Variants in MNDA observed in about 807,000 individuals in gnomAD.
MNDA encodes myeloid cell nuclear differentiation antigen.
Under a neutral mutation model 37.8 loss-of-function variants are expected in MNDA, and 43 were observed. The observed-to-expected ratio is 1.14, with a 90% CI of 0.89 to 1.47. The LOEUF is 1.47. MNDA is among the 40% of genes most tolerant of loss of function. MNDA has a pLI of 0.00. For synonymous variants in MNDA, 181 were observed against 169.0 expected, an observed-to-expected ratio of 1.07 and a Z score of -0.55; for missense variants, 536 against 476.0, an observed-to-expected ratio of 1.13 and a Z score of -1.17.
chr1:158,836,078 T>A (rs544056519), intron 1 of MNDA, among the ~76,000 whole-genome samples: 1 of 152,086 alleles, frequency 6.6e-6, no homozygotes, highest in South Asian at 2.1e-4. Context: ...GGGATAAACC[T>A]TAAATGGTCA....
chr1:158,838,305 T>C (rs1658962799), intron 1 of MNDA, among the ~76,000 whole-genome samples: 1 of 152,058 alleles, frequency 6.6e-6, no homozygotes, highest in Non-Finnish European at 1.5e-5. Flanking sequence ...TATGTTTATC[T>C]GGGAATGTCT....
intron 6 of MNDA, 36 bp downstream of exon 6, chr1:158,847,952 G>A: frequency 1.3e-6 from 2 of 1,583,596 alleles, no homozygotes; most frequent in South Asian, 2.3e-5. Flanking sequence ...GTTTGCTAAA[G>A]AGGCAAATAA....
intron 5 of MNDA, among the ~76,000 whole-genome samples, chr1:158,846,429 G>A (rs1659134931): frequency 6.6e-6 from 1 of 152,170 alleles, no homozygotes; most frequent in Non-Finnish European, 1.5e-5. Flanking sequence ...GGAGTAATAA[G>A]TGGATTGGCT....
At position 158,844,074 on chromosome 1, in the gene MNDA, A is replaced by C. The variant is rs779320668; in HGVS notation, c.522A>C (p.Pro174=). The C allele has an allele frequency of 1.2e-6, 2 of 1,612,644 alleles. No homozygotes were observed. The highest frequency in any genetic ancestry group is 2.2e-5 in the East Asian group (1 of 44,852). The change falls in exon 4 of 7, where the codon CCA becomes CCC. Residue 174 remains proline (P), a synonymous_variant. Transcript: ENST00000368141. ...ASTSAAVDHP[P]LPQTSSSTPS... ...CATCTGCAGCTGTGGATCATCCCCC[A>C]CTACCCCAGACCTCATCATCAACTC... is the stretch of plus-strand genomic sequence containing the variant.
chr1:158,844,098 T>C lies in MNDA; in HGVS notation c.546T>C (p.Thr182=). Residue 182 remains threonine (T), a synonymous_variant, in exon 4 of 7, where the codon ACT becomes ACC. Transcript: ENST00000368141. ...CACTACCCCAGACCTCATCATCAAC[T>C]CCATCCAACACTTCGTTTACTCCGG... The part of the protein sequence containing the change: ...HPPLPQTSSS[T]PSNTSFTPNQ... 6.3e-7 allele frequency: 1 copy of C among 1,591,546 alleles called. No homozygotes were observed. Among genetic ancestry groups the C allele is most frequent in the Non-Finnish European group, 8.5e-7 (1 of 1,170,648 alleles).
In MNDA at chr1:158,849,260, AAAC is replaced by A. The variant is rs1558059476; in HGVS notation, c.*27_*29del. 2 of 1,603,318 alleles carry A rather than the reference AAAC, an allele frequency of 1.2e-6. No homozygotes were observed. The highest frequency in any genetic ancestry group is 1.7e-6 in the Non-Finnish European group (2 of 1,173,458). ...TGAAATATGAAAGCTGAAATGCAAC[AAAC>A]AACTTCCGCTTAAAACAATTAAGTT... On this transcript the variant is annotated 3_prime_UTR_variant, in exon 7 of 7. Coordinates refer to ENST00000368141, the MANE Select transcript of MNDA (RefSeq NM_002432.3).
chr1:158,841,673 A>T (rs776761096), intron 1 of MNDA, among the ~76,000 whole-genome samples: 1 of 152,084 alleles, frequency 6.6e-6, no homozygotes, highest in South Asian at 2.1e-4. Context: ...TTATTCACAT[A>T]AGGTGAGTGG....
At position 158,842,180 on chromosome 1, in the gene MNDA, T is replaced by G. The variant is rs1214165603; in HGVS notation, c.27T>G (p.Leu9=). 6.2e-7 allele frequency: 1 copy of G among 1,611,246 alleles called. No individual in the cohort carries two copies. Among genetic ancestry groups the G allele is most frequent in the East Asian group, 2.2e-5 (1 of 44,842 alleles). MVNEYKKI[L]LLKGFELMDD... is the part of the protein sequence containing the mutation. ...TGGTGAATGAATACAAGAAAATTCT[T>G]TTGCTGAAAGGATTTGAGCTCATGG... The change falls in exon 2 of 7, where the codon CTT becomes CTG. Residue 9 remains leucine (L), a synonymous_variant. Coordinates refer to ENST00000368141, the MANE Select transcript of MNDA (RefSeq NM_002432.3).
chr1:158,840,762 T>C (rs1393086121), intron 1 of MNDA, among the ~76,000 whole-genome samples: 1 of 152,196 alleles, frequency 6.6e-6, no homozygotes, highest in East Asian at 1.9e-4. Context: ...CTACTCAGTA[T>C]TTCTGGAAGA....
At chr1:158,839,622 C>T (rs996029079) in intron 1 of MNDA, among the ~76,000 whole-genome samples, 6 of 152,170 alleles carry the variant, frequency 3.9e-5, no homozygotes, top group East Asian at 1.9e-4. Flanking sequence ...AGCAGTTCCA[C>T]ACTTTTCCTT....
intron 2 of MNDA, chr1:158,842,704 G>GA (rs994796213): frequency 6.7e-4 from 154 of 229,590 alleles, no homozygotes; most frequent in Middle Eastern, 1.4e-3. Flanking sequence ...GTCAGAAAAT[G>GA]AAAAAAAAAG....
At chr1:158,844,259 A>T in intron 4 of MNDA, 137 bp downstream of exon 4, 2 of 945,748 alleles carry the variant, frequency 2.1e-6, no homozygotes, top group Non-Finnish European at 3.0e-6. Context: ...ATATTATGAT[A>T]ACTTGTTTAC....
intron 1 of MNDA, among the ~76,000 whole-genome samples, chr1:158,841,540 T>C (rs962009485): frequency 2.6e-5 from 4 of 152,126 alleles, no homozygotes; most frequent in Non-Finnish European, 4.4e-5. Flanking sequence ...TATAGATGCA[T>C]AGGACACAGA....
intron 4 of MNDA, among the ~76,000 whole-genome samples, chr1:158,844,592 G>A (rs703151): frequency 0.52 from 78,276 of 150,348 alleles, 21,100 homozygotes; most frequent in East Asian, 0.68. Context: ...TGTATACACA[G>A]TCGAGGACAT....
chr1:158,846,043 C>A (rs1473588200), intron 5 of MNDA, 40 bp downstream of exon 5: 5 of 1,512,630 alleles, frequency 3.3e-6, no homozygotes, highest in Middle Eastern at 1.9e-4. Context: ...CTACCATTAC[C>A]TGGAAATAAA....
intron 1 of MNDA, among the ~76,000 whole-genome samples, chr1:158,837,130 G>A (rs779386572): frequency 2.8e-4 from 42 of 151,684 alleles, no homozygotes; most frequent in Non-Finnish European, 5.2e-4. Flanking sequence ...GTATATGTTG[G>A]GACAATGTTC....
At chr1:158,843,169 C>G in intron 2 of MNDA, 110 bp from the exon 3 acceptor site, 4 of 1,386,734 alleles carry the variant, frequency 2.9e-6, no homozygotes, top group Non-Finnish European at 3.9e-6. Context: ...CAGGCAAATC[C>G]GAACTCTCAT....
At chr1:158,842,006 A>C in intron 1 of MNDA, 128 bp from the exon 2 acceptor site, 1 of 689,110 alleles carries the variant, frequency 1.5e-6, no homozygotes, top group South Asian at 2.0e-5. Flanking sequence ...CTGGTAACTT[A>C]GTCCCTTTTT....
At chr1:158,835,608 T>C (rs897480253) in intron 1 of MNDA, among the ~76,000 whole-genome samples, 1 of 64,216 alleles carries the variant, frequency 1.6e-5, no homozygotes, top group Non-Finnish European at 3.0e-5. Context: ...TTATTGCCTA[T>C]TTTTGGTGGG....
Sources: allele counts gnomAD v4.1 joint callset (sites outside exome capture counted in the v4.1 genomes callset), GRCh38; gene constraint gnomAD v4.1.1; transcripts MANE v1.5; gene names NCBI Gene and HGNC (gene_info 2026-07-23, HGNC 2026-07-21).